CDK19: variants seen among roughly 807,000 people sequenced by gnomAD.
CDK19 encodes cyclin-dependent kinase 19.
In CDK19, 20 loss-of-function variants were observed where a neutral mutation model predicts 68.3. That is an observed-to-expected ratio of 0.29 (90% CI 0.21 to 0.43). The LOEUF (loss-of-function observed/expected upper bound fraction) is 0.43. CDK19 is among the 20% of genes least tolerant of loss of function. The pLI is 1.00. For missense variants in CDK19, 339 were observed against 623.5 expected (o/e 0.54, Z 4.86); for synonymous variants, 221 against 222.8 (o/e 0.99, Z 0.07).
rs1280832462 is a variant in CDK19 at position 110,815,221 on chromosome 6, A to G, written c.-85T>C. On this transcript the variant is annotated 5_prime_UTR_variant, in exon 1 of 13. Transcript: ENST00000368911. ...CTCCTCCCCCCGCGACCGCCGCTCC[A>G]CTTCTCCAACAGCCGCCTCTCGCGC... 1.4e-5 allele frequency: 19 copies of G among 1,311,614 alleles called. No homozygotes were observed. The highest frequency in any genetic ancestry group is 1.9e-5 in the Non-Finnish European group (19 of 1,023,832). The allele number at this position is 1,311,614 out of a possible 1,614,324, so 81.2% of individuals were successfully genotyped here. A position where few individuals can be genotyped will look rare whatever the true frequency, so the allele number is the denominator to read the frequency against.
chr6:110,751,131 G>C (rs979297886), intron 1 of CDK19, among the ~76,000 whole-genome samples: 3 of 152,152 alleles, frequency 2.0e-5, no homozygotes, highest in African/African-American at 7.2e-5. Flanking sequence ...ACCACACCCA[G>C]CCCAATACTT....
intron 1 of CDK19, among the ~76,000 whole-genome samples, chr6:110,752,398 T>G (rs1778531113): frequency 6.6e-6 from 1 of 152,232 alleles, no homozygotes; most frequent in Non-Finnish European, 1.5e-5. Context: ...ATCAAGAATT[T>G]TTCTAGTTTG....
At chr6:110,697,406 A>G (rs1489853822) in intron 2 of CDK19, among the ~76,000 whole-genome samples, 1 of 152,136 alleles carries the variant, frequency 6.6e-6, no homozygotes, top group Admixed American at 6.5e-5. Context: ...AAATAAAATA[A>G]AAATACTTAG....
intron 2 of CDK19, among the ~76,000 whole-genome samples, chr6:110,692,682 A>G (rs963852687): frequency 6.6e-6 from 1 of 152,198 alleles, no homozygotes; most frequent in East Asian, 1.9e-4. Context: ...AAAGGCATAT[A>G]GTCGGTCAAC....
intron 1 of CDK19, among the ~76,000 whole-genome samples, chr6:110,808,695 G>A (rs773694755): frequency 2.0e-5 from 3 of 152,096 alleles, no homozygotes; most frequent in Non-Finnish European, 2.9e-5. Context: ...CATTTACTAA[G>A]TGTTAAAGAT....
intron 2 of CDK19, among the ~76,000 whole-genome samples, chr6:110,710,585 T>G (rs749708449): frequency 4.6e-5 from 7 of 152,198 alleles, no homozygotes; most frequent in African/African-American, 7.2e-5. Context: ...AAGTCCAAGA[T>G]CAAGGCACCA....
At chr6:110,683,505 TA>T (rs1294179592) in intron 2 of CDK19, among the ~76,000 whole-genome samples, 2 of 152,116 alleles carry the variant, frequency 1.3e-5, no homozygotes, top group African/African-American at 2.4e-5. Flanking sequence ...TCTATAATAA[TA>T]AAATGGCTAT....
intron 1 of CDK19, among the ~76,000 whole-genome samples, chr6:110,751,427 G>T (rs1177467416): frequency 6.6e-6 from 1 of 151,868 alleles, no homozygotes; most frequent in Non-Finnish European, 1.5e-5. Flanking sequence ...AATGCCTGAT[G>T]TTCTGTCACT....
chr6:110,655,545 CTT>C (rs1165579275), intron 4 of CDK19, among the ~76,000 whole-genome samples: 1 of 152,070 alleles, frequency 6.6e-6, no homozygotes, highest in Non-Finnish European at 1.5e-5. Flanking sequence ...CAAAACTCCT[CTT>C]TTTTTGGTTA....
At chr6:110,755,359 G>A (rs1369102121) in intron 1 of CDK19, among the ~76,000 whole-genome samples, 1 of 152,064 alleles carries the variant, frequency 6.6e-6, no homozygotes, top group Non-Finnish European at 1.5e-5. Flanking sequence ...TCTTTATACA[G>A]AGAGACACAC....
At chr6:110,712,006 G>C (rs1225360043) in intron 2 of CDK19, among the ~76,000 whole-genome samples, 4 of 152,134 alleles carry the variant, frequency 2.6e-5, no homozygotes, top group Non-Finnish European at 5.9e-5. Flanking sequence ...ACGAACTTCA[G>C]GTAGTTTTTG....
At chr6:110,802,299 T>C (rs1478603109) in intron 1 of CDK19, among the ~76,000 whole-genome samples, 1 of 152,008 alleles carries the variant, frequency 6.6e-6, no homozygotes, top group African/African-American at 2.4e-5. Context: ...TATCAACAGT[T>C]AAAAAGAAAA....
chr6:110,646,246 C>T, intron 4 of CDK19: 3 of 1,492,976 alleles, frequency 2.0e-6, no homozygotes, highest in Admixed American at 2.1e-5. Flanking sequence ...GCTCTGTGGC[C>T]GTTCCACACA....
chr6:110,626,423 A>C (rs1477677629), intron 8 of CDK19, among the ~76,000 whole-genome samples: 1 of 152,200 alleles, frequency 6.6e-6, no homozygotes, highest in African/African-American at 2.4e-5. Flanking sequence ...GTCCCCTCCA[A>C]AATTCATGTT....
chr6:110,621,806 G>GGAC lies in CDK19; in HGVS notation c.1110+281_1110+282insGTC, dbSNP rs1295935906. Among the ~76,000 whole-genome samples the GGAC allele has an allele frequency of 6.6e-6, 1 of 152,156 alleles. No homozygotes were observed. The highest frequency in any genetic ancestry group is 1.5e-5 in the Non-Finnish European group (1 of 68,022). On this transcript the variant is annotated intron_variant, in intron 11 of 12. Coordinates refer to ENST00000368911, the MANE Select transcript of CDK19 (RefSeq NM_015076.5). This position sits in a 1 kb window ranked among gnomAD's most constrained non-coding sequence, Gnocchi z 5.4. ...TAGCAAAAGCCAGCCTGCATAAAGG[G>GGAC]GTGGTAGTGACACCAAACAAACAGA...
intron 2 of CDK19, among the ~76,000 whole-genome samples, chr6:110,725,090 G>C (rs1183842014): frequency 6.6e-6 from 1 of 152,106 alleles, no homozygotes; most frequent in Non-Finnish European, 1.5e-5. Flanking sequence ...TCTGGAATTT[G>C]TTGAATGAGC....
intron 12 of CDK19, 108 bp downstream of exon 12, chr6:110,620,996 T>C (rs1316350948): frequency 3.9e-6 from 4 of 1,035,210 alleles, no homozygotes; most frequent in African/African-American, 3.2e-5. Context: ...AGAAACAGGA[T>C]TGCACAGTCA....
intron 12 of CDK19, among the ~76,000 whole-genome samples, chr6:110,619,043 T>C (rs1778541281): frequency 6.6e-6 from 1 of 152,194 alleles, no homozygotes; most frequent in African/African-American, 2.4e-5. Flanking sequence ...CCTTGGCCCC[T>C]AGATGGTGTA....
intron 2 of CDK19, among the ~76,000 whole-genome samples, chr6:110,677,073 G>A (rs1771592955): frequency 1.3e-5 from 2 of 152,130 alleles, no homozygotes; most frequent in Non-Finnish European, 2.9e-5. Context: ...CATGAAGGCC[G>A]ACTGAGGCAA....
Sources: gnomAD v4.1 joint callset for allele counts (sites outside exome capture counted in the v4.1 genomes callset) on GRCh38, gnomAD v4.1.1 for gene constraint, Gnocchi (gnomAD v3.1) non-coding constraint, MANE v1.5 for transcripts, NCBI Gene and HGNC (gene_info 2026-07-23, HGNC 2026-07-21) for gene names.